Variants in TBC1D2B observed in about 807,000 individuals in gnomAD.
TBC1D2B encodes TBC1 domain family member 2B, also known as TBC1 domain family, member 2B.
In TBC1D2B, 64 loss-of-function variants were observed where a neutral mutation model predicts 100.8. The ratio of observed to expected loss-of-function variants is 0.64; its 90% CI spans 0.52 to 0.78. The LOEUF (loss-of-function observed/expected upper bound fraction) is 0.78, where lower values mean the gene tolerates loss of function less well. TBC1D2B is among the 30% of genes least tolerant of loss of function. TBC1D2B has a pLI of 0.00. For missense variants in TBC1D2B, 1,052 were observed against 1,218.4 expected, an observed-to-expected ratio of 0.86 and a Z score of 2.03; for synonymous variants, 480 against 479.7, an observed-to-expected ratio of 1.00 and a Z score of -0.01.
intron 3 of TBC1D2B, among the ~76,000 whole-genome samples, chr15:78,031,595 A>G (rs1483043747): frequency 7.0e-6 from 1 of 143,242 alleles, no homozygotes; most frequent in Non-Finnish European, 1.5e-5. Flanking sequence ...AGAGGATTTT[A>G]GTAAAGTTCT....
chr15:78,027,178 A>T (rs1199820078), intron 4 of TBC1D2B, among the ~76,000 whole-genome samples: 1 of 152,196 alleles, frequency 6.6e-6, no homozygotes, highest in African/African-American at 2.4e-5. Flanking sequence ...TAAAGTTAGG[A>T]AACAGGCAGA....
intron 4 of TBC1D2B, among the ~76,000 whole-genome samples, chr15:78,027,483 T>C (rs1038061329): frequency 6.6e-6 from 1 of 152,200 alleles, no homozygotes; most frequent in African/African-American, 2.4e-5. Context: ...GAGGGCTGAT[T>C]ATCGGAGCCA....
In TBC1D2B at chr15:78,001,677, C is replaced by T; in HGVS notation, c.2638G>A (p.Asp880Asn). 6.2e-7 allele frequency: 1 copy of T among 1,608,340 alleles called. No individual in the cohort carries two copies. The highest frequency in any genetic ancestry group is 8.5e-7 in the Non-Finnish European group (1 of 1,177,276). Residue 880 changes from aspartate (D) to asparagine (N), a missense_variant, in exon 12 of 13, where the codon GAT becomes AAT. By Grantham distance (23) the Asp-to-Asn change is conservative (BLOSUM62 1). Coordinates refer to ENST00000300584, the MANE Select transcript of TBC1D2B (RefSeq NM_144572.2). ...YKEEEILKLQ[D>N]SMSIFKYLRY... is the part of the protein sequence containing the mutation. ...AGATACTTAAATATAGACATCGAATCTTGCAATTTCAAAATCTCCTCTTCC... is the reference window on the plus strand; with the variant it reads ...AGATACTTAAATATAGACATCGAATTTTGCAATTTCAAAATCTCCTCTTCC...
In TBC1D2B at chr15:77,996,434, G is replaced by T. The variant is rs1196690238; in HGVS notation, c.*1726C>A. ...TTCACGATGGGCTGAGGGGTGGGGG[G>T]GGTTCCAACACTTGATTCGAGCAGA... On this transcript the variant is annotated 3_prime_UTR_variant, in exon 13 of 13. Coordinates refer to ENST00000300584, the MANE Select transcript of TBC1D2B (RefSeq NM_144572.2). 1 of 152,218 alleles carries T rather than the reference G, an allele frequency of 6.6e-6. No homozygotes were observed. Among genetic ancestry groups the T allele is most frequent in the Non-Finnish European group, 1.5e-5 (1 of 68,072 alleles). 9.4% of individuals were successfully genotyped at this position (152,218 alleles called of 1,614,324 possible). A position where few individuals can be genotyped will look rare whatever the true frequency, so the allele number is the denominator to read the frequency against.
chr15:78,026,391 C>G (rs1159919209), intron 4 of TBC1D2B, among the ~76,000 whole-genome samples: 2 of 152,140 alleles, frequency 1.3e-5, no homozygotes, highest in Admixed American at 6.5e-5. Context: ...CTCCCTCACC[C>G]TTGCCCTCTC....
rs2073850156 is a variant in TBC1D2B at position 78,077,507 on chromosome 15, G to C, written c.146C>G (p.Pro49Arg). 3 of 1,531,376 alleles carry C rather than the reference G, an allele frequency of 2.0e-6. No individual in the cohort carries two copies. The highest frequency in any genetic ancestry group is 2.6e-6 in the Non-Finnish European group (3 of 1,139,312). 94.9% of individuals were successfully genotyped at this position (1,531,376 alleles called of 1,614,324 possible). The change falls in exon 1 of 13, where the codon CCC becomes CGC. Residue 49 changes from proline (P) to arginine (R), a missense_variant. Transcript: ENST00000300584. ...GYLQKLSGKG[P>R]LRGYRSRWFV... ...CCAGCGGCTGCGGTAGCCACGCAGG[G>C]GGCCCTTGCCCGACAGCTTCTGCAG... is the stretch of plus-strand genomic sequence containing the variant.
intron 11 of TBC1D2B, 121 bp downstream of exon 11, chr15:78,003,184 T>C: frequency 1.3e-6 from 1 of 795,234 alleles, no homozygotes; most frequent in East Asian, 2.5e-5. Context: ...CGTGCTGAGA[T>C]CCCTTGGGCA....
chr15:78,071,309 C>G (rs557106366), intron 1 of TBC1D2B, among the ~76,000 whole-genome samples: 15 of 152,076 alleles, frequency 9.9e-5, no homozygotes, highest in Non-Finnish European at 1.5e-4. Flanking sequence ...GAATATTTTG[C>G]GAAATGTGAA....
At chr15:78,065,460 C>T (rs1439909273) in intron 1 of TBC1D2B, among the ~76,000 whole-genome samples, 5 of 152,168 alleles carry the variant, frequency 3.3e-5, no homozygotes, top group Non-Finnish European at 7.3e-5. Flanking sequence ...GGCCACTCTC[C>T]GGACATGCTC....
intron 2 of TBC1D2B, among the ~76,000 whole-genome samples, chr15:78,049,906 C>T (rs1159262748): frequency 1.3e-5 from 2 of 152,178 alleles, no homozygotes; most frequent in Non-Finnish European, 2.9e-5. Flanking sequence ...CTCAAGGTCC[C>T]ATAAGCTCTC....
In TBC1D2B at chr15:78,037,499, G is replaced by C. The variant is rs116100877; in HGVS notation, c.684-7329C>G. On this transcript the variant is annotated intron_variant, in intron 3 of 12. Transcript: ENST00000300584. ...CCTTGAACCGCACCCTACAGCCCCT[G>C]TGGCAGGACTCACGGGCTCGCCTGC... Among the ~76,000 whole-genome samples the C allele has an allele frequency of 6.4e-3, 969 of 152,322 alleles. 19 individuals carry two copies. Among genetic ancestry groups the C allele is most frequent in the African/African-American group, 0.022 (924 of 41,576 alleles).
chr15:77,996,624 T>C lies in TBC1D2B; in HGVS notation c.*1536A>G, dbSNP rs2071766781. 6.6e-6 allele frequency: 1 copy of C among 152,286 alleles called. No homozygotes were observed. The highest frequency in any genetic ancestry group is 1.9e-4 in the East Asian group (1 of 5,186). The allele number at this position is 152,286 out of a possible 1,614,324, so 9.4% of individuals were successfully genotyped here. On this transcript the variant is annotated 3_prime_UTR_variant, in exon 13 of 13. Transcript: ENST00000300584. ...TCTACCCAGTGAAACATTAGTGGAGTTGGTTAAAGACACGAAGCCGGAGCT... is the reference window on the plus strand; with the variant it reads ...TCTACCCAGTGAAACATTAGTGGAGCTGGTTAAAGACACGAAGCCGGAGCT...
At chr15:78,061,929 T>A (rs537099783) in intron 1 of TBC1D2B, among the ~76,000 whole-genome samples, 1 of 152,138 alleles carries the variant, frequency 6.6e-6, no homozygotes, top group African/African-American at 2.4e-5. Context: ...CAGCAGAAAT[T>A]CACACGGGAA....
At chr15:78,037,239 G>A (rs1421295142) in intron 3 of TBC1D2B, among the ~76,000 whole-genome samples, 1 of 151,956 alleles carries the variant, frequency 6.6e-6, no homozygotes, top group African/African-American at 2.4e-5. Context: ...CTACGCACCT[G>A]GCACCAGAAC....
At chr15:78,054,703 G>A (rs1280894262) in intron 1 of TBC1D2B, among the ~76,000 whole-genome samples, 1 of 152,202 alleles carries the variant, frequency 6.6e-6, no homozygotes, top group African/African-American at 2.4e-5. Context: ...GCTGACAAGG[G>A]TGCAGGGCAG....
Position 78,013,082 on chromosome 15 carries a change from C to A in TBC1D2B, c.2011G>T (p.Val671Leu), listed in dbSNP as rs756992755. Residue 671 changes from valine (V) to leucine (L), a missense_variant, in exon 9 of 13, where the codon GTG (valine) becomes TTG (leucine). By Grantham distance (32) the Val-to-Leu change is conservative. Transcript: ENST00000300584. ...AGIPHEHRSK[V>L]WKWCVDRHTR... The stretch of plus-strand genomic sequence containing the variant: ...TGACGGTCCACACACCACTTCCACA[C>A]CTTGGAACGGTGCTCGTGGGGAATG... The A allele has an allele frequency of 1.9e-6, 3 of 1,613,890 alleles. No homozygotes were observed. Among genetic ancestry groups the A allele is most frequent in the African/African-American group, 1.3e-5 (1 of 74,920 alleles).
chr15:78,034,702 G>A, intron 3 of TBC1D2B: 1 of 985,448 alleles, frequency 1.0e-6, no homozygotes, highest in South Asian at 4.7e-5. Context: ...GCAGCTGAGG[G>A]ACAGCCTTGC....
intron 12 of TBC1D2B, among the ~76,000 whole-genome samples, chr15:78,000,671 C>T (rs545876831): frequency 1.3e-5 from 2 of 152,376 alleles, no homozygotes; most frequent in South Asian, 4.1e-4. Context: ...AGCACCTCAG[C>T]TCCCATTGTC....
At chr15:78,053,007 T>C (rs935553551) in intron 2 of TBC1D2B, among the ~76,000 whole-genome samples, 1 of 152,150 alleles carries the variant, frequency 6.6e-6, no homozygotes, top group African/African-American at 2.4e-5. Flanking sequence ...GTACAAAGCA[T>C]ATATAGTAAT....
Sources: allele counts gnomAD v4.1 joint callset (sites outside exome capture counted in the v4.1 genomes callset), GRCh38; gene constraint gnomAD v4.1.1; transcripts MANE v1.5; gene names NCBI Gene and HGNC (gene_info 2026-07-23, HGNC 2026-07-21).